The following ZC3H18 variants were observed in gnomAD, a reference collection of about 807,000 sequenced individuals.
ZC3H18 encodes zinc finger CCCH domain-containing protein 18.
In ZC3H18, 8 loss-of-function variants were observed where a neutral mutation model predicts 106.1. The observed-to-expected ratio is 0.08, with a 90% CI of 0.04 to 0.14. The LOEUF is 0.14. ZC3H18 is among the 10% of genes least tolerant of loss of function. The pLI is 1.00. For missense variants in ZC3H18, 1,318 were observed against 1,278.4 expected (o/e 1.03, Z -0.47); for synonymous variants, 635 against 522.1 (o/e 1.22, Z -2.95).
At chr16:88,584,764 A>C (rs192225561) in intron 2 of ZC3H18, among the ~76,000 whole-genome samples, 1 of 152,108 alleles carries the variant, frequency 6.6e-6, no homozygotes, top group Non-Finnish European at 1.5e-5. Flanking sequence ...AGGTGGTTAC[A>C]TTGTTCTCCT....
chr16:88,591,324 G>C (rs1454458486), intron 3 of ZC3H18, among the ~76,000 whole-genome samples: 2 of 151,094 alleles, frequency 1.3e-5, no homozygotes, highest in East Asian at 4.0e-4. Context: ...TGTAATCATA[G>C]CACTTTGGGA....
In ZC3H18 at chr16:88,627,114, G is replaced by C. The variant is rs762477266; in HGVS notation, c.2109-508G>C. On this transcript the variant is annotated intron_variant, in intron 13 of 17. Coordinates refer to ENST00000301011, the MANE Select transcript of ZC3H18 (RefSeq NM_144604.4). The surrounding 1 kb of genome is among the most constrained non-coding windows in gnomAD (Gnocchi z 4.5). ...GACGGAGTTTCACTCTTGTCGCCCA[G>C]GCTGGAGTGCGATGGCATGGTCTCG... 1 of 152,882 alleles carries C rather than the reference G, an allele frequency of 6.5e-6. No individual in the cohort carries two copies. Among genetic ancestry groups the C allele is most frequent in the African/African-American group, 2.4e-5 (1 of 41,450 alleles). 9.5% of individuals were successfully genotyped at this position (152,882 alleles called of 1,614,324 possible). A position where few individuals can be genotyped will look rare whatever the true frequency, so the allele number is the denominator to read the frequency against.
At chr16:88,589,039 C>T (rs752047108) in intron 3 of ZC3H18, among the ~76,000 whole-genome samples, 37 of 152,322 alleles carry the variant, frequency 2.4e-4, no homozygotes, top group Middle Eastern at 3.4e-3. Context: ...TAGATCATGT[C>T]TTCTGCTGCT....
intron 2 of ZC3H18, among the ~76,000 whole-genome samples, chr16:88,580,152 T>A (rs1915019546): frequency 6.9e-6 from 1 of 145,156 alleles, no homozygotes; most frequent in Non-Finnish European, 1.5e-5. Context: ...TGACACAGGT[T>A]CATCTGTGTG....
chr16:88,623,897 G>A, intron 10 of ZC3H18, 61 bp from the exon 11 acceptor site: 1 of 1,546,254 alleles, frequency 6.5e-7, no homozygotes. Flanking sequence ...GTCCTCAGTG[G>A]GCTTGGGCTG....
In ZC3H18 at chr16:88,616,919, C is replaced by T. The variant is rs571758921; in HGVS notation, c.1476-5278C>T. ...AGTCACTTTTGTTTGGTCTGAAGCG[C>T]GGCCCAGGCTCGTTATAGCAGGCAC... On this transcript the variant is annotated intron_variant, in intron 8 of 17. Coordinates refer to ENST00000301011, the MANE Select transcript of ZC3H18 (RefSeq NM_144604.4). 5.9e-5 allele frequency among the ~76,000 whole-genome samples: 9 copies of T among 152,250 alleles called. 1 individual carries two copies. The South Asian group carries it at 1.5e-3, about 25-fold the overall frequency.
chr16:88,610,393 T>A lies in ZC3H18; in HGVS notation c.1207-875T>A, dbSNP rs148999773. Among the ~76,000 whole-genome samples the A allele has an allele frequency of 5.6e-4, 86 of 152,288 alleles. 2 individuals carry two copies. The East Asian group carries it at 0.011, about 19-fold the overall frequency. ...CATCGTGCCAGAAAAGTCCCCCTGC[T>A]CGATGCTCTTGTGCCCCGTCTCTCC... On this transcript the variant is annotated intron_variant, in intron 7 of 17. Transcript: ENST00000301011.
intron 3 of ZC3H18, 110 bp from the exon 4 acceptor site, chr16:88,598,068 C>A (rs1904537382): frequency 1.2e-5 from 9 of 763,466 alleles, no homozygotes; most frequent in Non-Finnish European, 1.6e-5. Flanking sequence ...GGCTCGCCAT[C>A]AGGCCTGGGT....
chr16:88,586,449 C>A, intron 2 of ZC3H18, 151 bp from the exon 3 acceptor site: 1 of 680,826 alleles, frequency 1.5e-6, no homozygotes, highest in South Asian at 1.7e-5. Context: ...CTATGTAGAT[C>A]TGGGACCTAA....
chr16:88,627,940 G>A lies in ZC3H18; in HGVS notation c.2290G>A (p.Gly764Ser), dbSNP rs759833476. ...KEKGKSKKED[G>S]VKEEKRKRDS... ...GGTAGGAAAATCTAAGAAAGAAGAC[G>A]GTGTTAAAGAGGAAAAGCGGAAAAG... The change falls in exon 15 of 18, where the codon GGT (glycine) becomes AGT (serine). Residue 764 changes from glycine to serine, a missense_variant. Gly to Ser is a moderately conservative substitution (Grantham distance 56). Coordinates refer to ENST00000301011, the MANE Select transcript of ZC3H18 (RefSeq NM_144604.4). This position sits in a 1 kb window ranked among gnomAD's most constrained non-coding sequence, Gnocchi z 4.5. 8 of 1,614,060 alleles carry A rather than the reference G, an allele frequency of 5.0e-6. No individual in the cohort carries two copies. The highest frequency in any genetic ancestry group is 1.1e-5 in the South Asian group (1 of 91,084).
At chr16:88,577,066 T>A in intron 1 of ZC3H18, 44 bp from the exon 2 acceptor site, 1 of 1,500,902 alleles carries the variant, frequency 6.7e-7, no homozygotes, top group African/African-American at 1.4e-5. Flanking sequence ...AGGTTTGTTT[T>A]CCATTTTGCT....
At chr16:88,573,857 A>C (rs1010029793) in intron 1 of ZC3H18, among the ~76,000 whole-genome samples, 4 of 151,710 alleles carry the variant, frequency 2.6e-5, no homozygotes, top group Non-Finnish European at 4.4e-5. Context: ...TTGTAAATCT[A>C]TGTTATTGCT....
chr16:88,622,444 C>T (rs1330993155), intron 9 of ZC3H18, 56 bp downstream of exon 9: 1 of 1,508,926 alleles, frequency 6.6e-7, no homozygotes, highest in African/African-American at 1.4e-5. Flanking sequence ...CGTCAGCTGA[C>T]ACCATGTACC....
chr16:88,578,718 A>T (rs1597319881), intron 2 of ZC3H18, among the ~76,000 whole-genome samples: 1 of 151,822 alleles, frequency 6.6e-6, no homozygotes, highest in South Asian at 2.1e-4. Flanking sequence ...TGAGAGAGAG[A>T]GTCTACCCTG....
chr16:88,631,531 G>C lies in ZC3H18; in HGVS notation c.*232G>C, dbSNP rs1036415586. On this transcript the variant is annotated 3_prime_UTR_variant, in exon 18 of 18. Transcript: ENST00000301011. ...ACAGACAGACACAGACAGCGCTAGT[G>C]ACCAGCACGGTTCTCATGTAAATTA... 8 of 642,362 alleles carry C rather than the reference G, an allele frequency of 1.2e-5. No homozygotes were observed. The highest frequency in any genetic ancestry group is 2.3e-5 in the Non-Finnish European group (8 of 352,594). The allele number at this position is 642,362 out of a possible 1,614,324, so 39.8% of individuals were successfully genotyped here. A position where few individuals can be genotyped will look rare whatever the true frequency, so the allele number is the denominator to read the frequency against.
chr16:88,614,339 C>T (rs1002837498), intron 8 of ZC3H18, among the ~76,000 whole-genome samples: 1 of 152,200 alleles, frequency 6.6e-6, no homozygotes, highest in East Asian at 1.9e-4. Flanking sequence ...CACCACGGGA[C>T]AAAAACAAGC....
At chr16:88,581,823 G>A (rs561515258) in intron 2 of ZC3H18, among the ~76,000 whole-genome samples, 95 of 152,314 alleles carry the variant, frequency 6.2e-4, no homozygotes, top group Non-Finnish European at 1.3e-3. Flanking sequence ...TTCCTGCTGG[G>A]AGATGACAAG....
At chr16:88,587,583 A>G in intron 3 of ZC3H18, 1 of 1,536,140 alleles carries the variant, frequency 6.5e-7, no homozygotes, top group Non-Finnish European at 8.7e-7. Flanking sequence ...ACCAATATCC[A>G]ATTCCATACC....
At chr16:88,604,313 T>G (rs1242297017) in intron 6 of ZC3H18, among the ~76,000 whole-genome samples, 1 of 149,990 alleles carries the variant, frequency 6.7e-6, no homozygotes, top group East Asian at 2.0e-4. Context: ...ATCGTGCCAC[T>G]GCACTCCAGC....
Sources: gnomAD v4.1 joint callset for allele counts (sites outside exome capture counted in the v4.1 genomes callset) on GRCh38, gnomAD v4.1.1 for gene constraint, Gnocchi (gnomAD v3.1) non-coding constraint, MANE v1.5 for transcripts, NCBI Gene and HGNC (gene_info 2026-07-23, HGNC 2026-07-21) for gene names.